Variants in UEVLD observed in about 807,000 individuals in gnomAD.
The protein encoded by UEVLD is ubiquitin-conjugating enzyme E2 variant 3.
Under a neutral mutation model 58.6 loss-of-function variants are expected in UEVLD, and 47 were observed. The observed-to-expected ratio is 0.80, with a 90% confidence interval of 0.63 to 1.02. The LOEUF is 1.02. UEVLD is among the 50% of genes least tolerant of loss of function. UEVLD has a pLI of 0.00. For missense variants in UEVLD, 510 were observed against 550.6 expected (o/e 0.93, Z 0.74); for synonymous variants, 197 against 195.3 (o/e 1.01, Z -0.07).
Position 18,533,979 on chromosome 11 carries a change from C to T in UEVLD, c.1248+351G>A, listed in dbSNP as rs529188102. 2.3e-3 allele frequency among the ~76,000 whole-genome samples: 351 copies of T among 152,294 alleles called. 1 individual carries two copies. Among genetic ancestry groups the T allele is most frequent in the African/African-American group, 7.9e-3 (327 of 41,568 alleles). On this transcript the variant is annotated intron_variant, in intron 11 of 11. Coordinates refer to ENST00000396197, the MANE Select transcript of UEVLD (RefSeq NM_001040697.4). The stretch of plus-strand genomic sequence containing the variant: ...AATGTTATCTTTGGAGACAGGGATT[C>T]GCTGTGTTGTCCATGCTGGAGTCCA...
chr11:18,546,233 A>G (rs1474160478), intron 8 of UEVLD, among the ~76,000 whole-genome samples: 1 of 152,224 alleles, frequency 6.6e-6, no homozygotes, highest in Non-Finnish European at 1.5e-5. Context: ...ATACTTCAGA[A>G]TTAACAAAAT....
chr11:18,570,135 T>C, intron 4 of UEVLD, 79 bp downstream of exon 4: 3 of 1,382,218 alleles, frequency 2.2e-6, no homozygotes, highest in Non-Finnish European at 2.9e-6. Context: ...AGTATCATAC[T>C]TATTTGTACC....
intron 11 of UEVLD, 128 bp downstream of exon 11, chr11:18,534,202 T>C (rs1408126383): frequency 1.5e-6 from 1 of 670,718 alleles, no homozygotes; most frequent in Non-Finnish European, 2.2e-6. Flanking sequence ...TGCCTTCTCC[T>C]ACCTGTTACT....
rs776306897 is a variant in UEVLD, at chr11:18,570,237, G to A, written c.334C>T (p.Pro112Ser). The A allele has an allele frequency of 3.7e-6, 6 of 1,604,710 alleles. No homozygotes were observed. Among genetic ancestry groups the A allele is most frequent in the African/African-American group, 1.4e-5 (1 of 73,994 alleles). Residue 112 changes from proline to serine, a missense_variant, in exon 4 of 12, where the codon CCC becomes TCC. Transcript: ENST00000396197. Reference protein sequence around the residue: ...HVDAQGRIYLPYLQNWSHPKS... With the variant: ...HVDAQGRIYLSYLQNWSHPKS... Reference sequence around the variant, plus strand: ...ACATGGCTCCAGTTTTGGAGATAGGGCAAATATATTCTGCCTTGAGCATCC... The same window carrying A: ...ACATGGCTCCAGTTTTGGAGATAGGACAAATATATTCTGCCTTGAGCATCC...
At chr11:18,560,454 G>A (rs900874909) in intron 6 of UEVLD, among the ~76,000 whole-genome samples, 1 of 152,060 alleles carries the variant, frequency 6.6e-6, no homozygotes, top group African/African-American at 2.4e-5. Flanking sequence ...ATTAATAAAA[G>A]ATAATTTGAC....
Position 18,588,670 on chromosome 11 carries a change from G to T in UEVLD, c.-16C>A. The T allele has an allele frequency of 6.2e-7, 1 of 1,607,616 alleles. No individual in the cohort carries two copies. Among genetic ancestry groups the T allele is most frequent in the Non-Finnish European group, 8.5e-7 (1 of 1,179,650 alleles). On this transcript the variant is annotated 5_prime_UTR_variant, in exon 1 of 12. Transcript: ENST00000396197. ...CGAACTCCATCTCCAGGCCGGTCCC[G>T]AGCTAGGTCCCAGGACTCCAGCCCC...
intron 9 of UEVLD, chr11:18,539,095 TGA>T (rs1850946387): frequency 1.2e-5 from 1 of 83,086 alleles, no homozygotes; most frequent in South Asian, 4.1e-4. Context: ...TTTTTTTTTT[TGA>T]GACAGTCTCG....
chr11:18,571,267 A>C (rs151083564), intron 3 of UEVLD, among the ~76,000 whole-genome samples: 100 of 152,262 alleles, frequency 6.6e-4, no homozygotes, highest in Middle Eastern at 3.4e-3. Context: ...GAATGGCTTG[A>C]ACTCAGGAGG....
Position 18,578,578 on chromosome 11 carries a change from C to T in UEVLD, c.127+146G>A, listed in dbSNP as rs1354285433. On this transcript the variant is annotated intron_variant, in intron 2 of 11. Coordinates refer to ENST00000396197, the MANE Select transcript of UEVLD (RefSeq NM_001040697.4). ...ACAAGATACATTGTATTAATTTAAG[C>T]TTTCTCAGAAATTGCAGGTCATAAA... 4 of 640,694 alleles carry T rather than the reference C, an allele frequency of 6.2e-6. No individual in the cohort carries two copies. The East Asian group carries it at 8.8e-5, about 14-fold the overall frequency. 39.7% of individuals were successfully genotyped at this position (640,694 alleles called of 1,614,324 possible). A position where few individuals can be genotyped will look rare whatever the true frequency, so the allele number is the denominator to read the frequency against.
chr11:18,534,899 C>T (rs896935074), intron 10 of UEVLD, among the ~76,000 whole-genome samples: 1 of 152,156 alleles, frequency 6.6e-6, no homozygotes, highest in African/African-American at 2.4e-5. Context: ...ATTTATCTTA[C>T]AGCAGTATGC....
At chr11:18,550,653 C>CT (rs1851485191) in intron 7 of UEVLD, among the ~76,000 whole-genome samples, 1 of 152,238 alleles carries the variant, frequency 6.6e-6, no homozygotes, top group Non-Finnish European at 1.5e-5. Flanking sequence ...CGAGTCCTCA[C>CT]TGTCTGGACC....
chr11:18,536,582 T>C (rs1850806251), intron 9 of UEVLD, 113 bp from the exon 10 acceptor site: 3 of 881,648 alleles, frequency 3.4e-6, no homozygotes, highest in East Asian at 2.6e-5. Flanking sequence ...ATAGAAGTTT[T>C]CTCATTTCTA....
chr11:18,585,789 C>G (rs925926724), intron 1 of UEVLD, among the ~76,000 whole-genome samples: 16 of 152,046 alleles, frequency 1.1e-4, no homozygotes, highest in African/African-American at 3.9e-4. Flanking sequence ...AGGTGCCCAC[C>G]ACCATGCCCA....
intron 3 of UEVLD, 150 bp from the exon 4 acceptor site, chr11:18,570,527 C>T (rs1233134387): frequency 1.5e-6 from 1 of 645,590 alleles, no homozygotes; most frequent in Non-Finnish European, 2.3e-6. Flanking sequence ...GAGCAGATTG[C>T]ATGAGCCCAG....
At chr11:18,536,912 T>TTC (rs1850823457) in intron 9 of UEVLD, 1 of 195,128 alleles carries the variant, frequency 5.1e-6, no homozygotes, top group African/African-American at 2.4e-5. Flanking sequence ...TTTTTTTTTT[T>TTC]TCAGATGGAG....
intron 9 of UEVLD, chr11:18,538,770 G>C (rs141256464): frequency 0.016 from 2,450 of 151,112 alleles, 35 homozygotes; most frequent in Non-Finnish European, 0.028. Context: ...GGTGGCTCAC[G>C]CCAGTAATCC....
At chr11:18,537,387 A>C (rs1163510996) in intron 9 of UEVLD, among the ~76,000 whole-genome samples, 1 of 143,912 alleles carries the variant, frequency 6.9e-6, no homozygotes, top group Non-Finnish European at 1.5e-5. Context: ...CCTGGTGTGC[A>C]ATGGTGTGAT....
At chr11:18,548,367 C>T (rs909434426) in intron 7 of UEVLD, among the ~76,000 whole-genome samples, 1 of 152,142 alleles carries the variant, frequency 6.6e-6, no homozygotes, top group Non-Finnish European at 1.5e-5. Flanking sequence ...TGAATATTAG[C>T]CTCCCAGGGA....
intron 7 of UEVLD, among the ~76,000 whole-genome samples, chr11:18,554,171 A>G (rs1436563521): frequency 6.6e-6 from 1 of 152,000 alleles, no homozygotes; most frequent in East Asian, 1.9e-4. Flanking sequence ...GGCTCAATGC[A>G]ACCTCTTCCT....
Sources: gnomAD v4.1 joint callset for allele counts (sites outside exome capture counted in the v4.1 genomes callset) on GRCh38, gnomAD v4.1.1 for gene constraint, MANE v1.5 for transcripts, NCBI Gene and HGNC (gene_info 2026-07-23, HGNC 2026-07-21) for gene names.